AOPEP: variants seen among roughly 807,000 people sequenced by gnomAD.
AOPEP encodes the protein aminopeptidase O (putative), also known as aminopeptidase O.
A neutral mutation model predicts 98.1 loss-of-function variants in AOPEP; 77 were observed. That is an observed-to-expected ratio of 0.78 (90% CI 0.65 to 0.95). The LOEUF is 0.95. Among genes scored for constraint, AOPEP ranks in the 40% least tolerant of loss-of-function variants. AOPEP has a pLI of 0.00. For synonymous variants in AOPEP, 346 were observed against 365.3 expected, an observed-to-expected ratio of 0.95 and a Z score of 0.60; for missense variants, 1,024 against 1,024.7, an observed-to-expected ratio of 1.00 and a Z score of 0.01.
intron 13 of AOPEP, among the ~76,000 whole-genome samples, chr9:95,022,734 G>C (rs916762835): frequency 3.9e-5 from 6 of 152,130 alleles, no homozygotes; most frequent in African/African-American, 1.4e-4. Flanking sequence ...TAGCTCAGTA[G>C]AAATAGTTTG....
intron 5 of AOPEP, among the ~76,000 whole-genome samples, chr9:94,895,682 G>A (rs1316147798): frequency 6.6e-6 from 1 of 151,960 alleles, no homozygotes; most frequent in East Asian, 1.9e-4. Context: ...TCCGCCTCCT[G>A]GGTTCAAGCA....
chr9:95,135,221 C>G, the AOPEP span: 1 of 941,444 alleles, frequency 1.1e-6, no homozygotes, highest in South Asian at 1.4e-5. Flanking sequence ...TGTAAATACA[C>G]GATTATATAT....
At chr9:95,050,722 A>G (rs1188893788) in intron 13 of AOPEP, among the ~76,000 whole-genome samples, 2 of 152,234 alleles carry the variant, frequency 1.3e-5, no homozygotes, top group Admixed American at 6.5e-5. Flanking sequence ...AATTGTAGAC[A>G]TGTGGCTAAA....
intron 10 of AOPEP, among the ~76,000 whole-genome samples, chr9:94,977,642 C>T (rs2059932060): frequency 6.6e-6 from 1 of 152,230 alleles, no homozygotes; most frequent in African/African-American, 2.4e-5. Flanking sequence ...CATGCGCACA[C>T]TCCCACACTC....
chr9:94,971,278 A>T (rs1210148004), intron 10 of AOPEP, among the ~76,000 whole-genome samples: 3 of 152,194 alleles, frequency 2.0e-5, no homozygotes, highest in Admixed American at 6.5e-5. Flanking sequence ...TCTCCCGGTT[A>T]GGATCGTGTT....
intron 1 of AOPEP, among the ~76,000 whole-genome samples, chr9:94,756,627 A>G (rs911352362): frequency 1.1e-4 from 17 of 152,084 alleles, no homozygotes; most frequent in Non-Finnish European, 2.4e-4. Flanking sequence ...CTTCTTCCCC[A>G]CTTCTCATGT....
At chr9:94,760,782 T>G (rs1838090691) in intron 2 of AOPEP, 1 of 428,598 alleles carries the variant, frequency 2.3e-6, no homozygotes. Context: ...CTCCCTTAAG[T>G]CAGGATGAAA....
chr9:94,982,583 TTTG>T (rs796343263), intron 11 of AOPEP, among the ~76,000 whole-genome samples: 15 of 148,674 alleles, frequency 1.0e-4, no homozygotes, highest in East Asian at 9.9e-4. Context: ...TTTTTTTTTT[TTTG>T]GAGACAGGGT....
the AOPEP span, among the ~76,000 whole-genome samples, chr9:95,129,533 G>C: frequency 6.6e-6 from 1 of 152,212 alleles, no homozygotes. Context: ...AGGTCACGCT[G>C]CAAGCCAGGG....
intron 14 of AOPEP, among the ~76,000 whole-genome samples, chr9:95,079,647 C>T (rs184255174): frequency 6.6e-6 from 1 of 152,360 alleles, no homozygotes; most frequent in East Asian, 1.9e-4. Flanking sequence ...ATACCTTGCG[C>T]AGGTGGTTCT....
intron 5 of AOPEP, among the ~76,000 whole-genome samples, chr9:94,809,102 A>C (rs1285734869): frequency 6.6e-6 from 1 of 152,256 alleles, no homozygotes; most frequent in East Asian, 1.9e-4. Flanking sequence ...TGTGGCCATG[A>C]GGAAGTATAG....
rs59149855 is a variant in AOPEP, at chr9:95,082,828, A to G, written c.*4+109A>G. 4,195 of 1,285,866 alleles carry G rather than the reference A, an allele frequency of 3.3e-3. 112 individuals are homozygous for G. In the African/African-American group the frequency reaches 0.054, roughly 17 times the overall value. 79.7% of individuals were successfully genotyped at this position (1,285,866 alleles called of 1,614,324 possible). A position where few individuals can be genotyped will look rare whatever the true frequency, so the allele number is the denominator to read the frequency against. On this transcript the variant is annotated intron_variant, in intron 16 of 16. Coordinates refer to ENST00000375315, the MANE Select transcript of AOPEP (RefSeq NM_001193329.3). Reference sequence around the variant, plus strand: ...TTAGCCAAGACTACCCGCAGCATCAATAGTCGGCTCCCTGGCCCAGGGCCT... The same window carrying G: ...TTAGCCAAGACTACCCGCAGCATCAGTAGTCGGCTCCCTGGCCCAGGGCCT...
At chr9:94,781,609 G>T (rs1392542947) in intron 3 of AOPEP, among the ~76,000 whole-genome samples, 1 of 150,164 alleles carries the variant, frequency 6.7e-6, no homozygotes, top group African/African-American at 2.4e-5. Context: ...CGCCCAGGCT[G>T]GAGTGCAGTG....
chr9:95,130,252 A>C, the AOPEP span, among the ~76,000 whole-genome samples: 1 of 152,130 alleles, frequency 6.6e-6, no homozygotes. Context: ...ATTCTCAGGA[A>C]GAAGCATTTC....
chr9:95,095,436 G>A, the AOPEP span, among the ~76,000 whole-genome samples: 9 of 152,322 alleles, frequency 5.9e-5, no homozygotes, highest in Middle Eastern at 3.4e-3. Flanking sequence ...CGTGCGTTTC[G>A]AGCTGGCAGC....
chr9:95,085,831 A>G, intron 16 of AOPEP: 1 of 1,088,140 alleles, frequency 9.2e-7, no homozygotes, highest in Non-Finnish European at 1.2e-6. Flanking sequence ...AAGTCGTGTG[A>G]AATCATGTGG....
chr9:94,773,100 G>T lies in AOPEP; in HGVS notation c.896G>T (p.Arg299Leu), dbSNP rs778059579. 2.2e-5 allele frequency: 35 copies of T among 1,613,928 alleles called. No homozygotes were observed. The highest frequency in any genetic ancestry group is 2.4e-5 in the Non-Finnish European group (28 of 1,180,020). ...VAMSTWQATVRAAASFVVLMS... is the reference protein window; with the variant it reads ...VAMSTWQATVLAAASFVVLMS... ...ATGTCAACATGGCAGGCTACAGTTC[G>T]AGCAGCTGCATCTTTTGTTGTTTTA... Residue 299 changes from arginine (R) to leucine (L), a missense_variant, in exon 3 of 17, where the codon CGA becomes CTA. By Grantham distance (102) the Arg-to-Leu change is moderately radical. Around this residue, in one of 3 missense-constraint regions of AOPEP, gnomAD observed 440 missense variants for 433.8 expected, o/e 1.01. Coordinates refer to ENST00000375315, the MANE Select transcript of AOPEP (RefSeq NM_001193329.3).
intron 13 of AOPEP, among the ~76,000 whole-genome samples, chr9:95,012,709 A>G (rs2062628614): frequency 6.6e-6 from 1 of 152,010 alleles, no homozygotes; most frequent in Non-Finnish European, 1.5e-5. Flanking sequence ...CCTTCTGGAA[A>G]TATATGTTCA....
At chr9:94,893,427 A>G (rs1000414930) in intron 5 of AOPEP, among the ~76,000 whole-genome samples, 1 of 152,204 alleles carries the variant, frequency 6.6e-6, no homozygotes, top group Non-Finnish European at 1.5e-5. Context: ...GGTTTCATGG[A>G]TGAGTCCAGA....
Sources: allele counts gnomAD v4.1 joint callset (sites outside exome capture counted in the v4.1 genomes callset), GRCh38; gene constraint gnomAD v4.1.1; regional missense constraint gnomAD v4.1.1; transcripts MANE v1.5; gene names NCBI Gene and HGNC (gene_info 2026-07-23, HGNC 2026-07-21).